KCNT2: variants seen among roughly 807,000 people sequenced by gnomAD.
KCNT2 encodes the protein potassium channel subfamily T member 2.
In KCNT2, 67 loss-of-function variants were observed where a neutral mutation model predicts 153.8. That is an observed-to-expected ratio of 0.44 (90% CI 0.36 to 0.53). The LOEUF (loss-of-function observed/expected upper bound fraction) is 0.53, where lower values mean the gene tolerates loss of function less well. KCNT2 is among the 20% of genes least tolerant of loss of function. The pLI, the probability that KCNT2 is intolerant of heterozygous loss-of-function variation, is 0.00. For synonymous variants in KCNT2, 500 were observed against 458.8 expected (o/e 1.09, Z -1.15); for missense variants, 975 against 1,354.8 (o/e 0.72, Z 4.40).
At chr1:196,480,555 C>T (rs12065478) in intron 4 of KCNT2, among the ~76,000 whole-genome samples, 16 of 151,954 alleles carry the variant, frequency 1.1e-4, no homozygotes, top group Non-Finnish European at 1.2e-4. Context: ...ACTCAAAGTG[C>T]TATTTAAAAA....
intron 14 of KCNT2, among the ~76,000 whole-genome samples, chr1:196,355,063 A>T (rs1322570503): frequency 6.6e-6 from 1 of 151,762 alleles, no homozygotes; most frequent in Admixed American, 6.6e-5. Context: ...GGTACACAGA[A>T]GCTTCCAAAA....
intron 22 of KCNT2, among the ~76,000 whole-genome samples, chr1:196,289,295 T>C (rs1169590600): frequency 6.6e-6 from 1 of 152,046 alleles, no homozygotes; most frequent in Non-Finnish European, 1.5e-5. Flanking sequence ...TACTCTTGAA[T>C]ATAACCTGTT....
chr1:196,347,379 C>A (rs922623737), intron 14 of KCNT2, among the ~76,000 whole-genome samples: 9 of 152,236 alleles, frequency 5.9e-5, no homozygotes, highest in Admixed American at 2.0e-4. Flanking sequence ...ATAAATAGTA[C>A]ATTTCCAAAC....
At chr1:196,430,763 A>G (rs77768166) in intron 8 of KCNT2, among the ~76,000 whole-genome samples, 262 of 152,260 alleles carry the variant, frequency 1.7e-3, no homozygotes, top group East Asian at 0.01. Context: ...TTAAAATCAC[A>G]TTAGAAATAA....
chr1:196,504,240 C>G (rs541480528), intron 1 of KCNT2, among the ~76,000 whole-genome samples: 1 of 146,190 alleles, frequency 6.8e-6, no homozygotes, highest in Non-Finnish European at 1.5e-5. Flanking sequence ...CCCCCTCCCC[C>G]CATCCCACAA....
chr1:196,558,234 C>T (rs1214646605), intron 1 of KCNT2, among the ~76,000 whole-genome samples: 2 of 151,306 alleles, frequency 1.3e-5, no homozygotes, highest in Non-Finnish European at 3.0e-5. Context: ...ATGTAACTCT[C>T]AAATGTCACA....
At chr1:196,256,593 GTTAT>G (rs1656523497) in intron 26 of KCNT2, among the ~76,000 whole-genome samples, 1 of 150,464 alleles carries the variant, frequency 6.6e-6, no homozygotes, top group African/African-American at 2.4e-5. Flanking sequence ...AGTTTTTTGT[GTTAT>G]TTGAGATATA....
intron 8 of KCNT2, among the ~76,000 whole-genome samples, chr1:196,463,522 G>A (rs1315271194): frequency 6.6e-6 from 1 of 151,320 alleles, no homozygotes; most frequent in Non-Finnish European, 1.5e-5. Context: ...GCACATTAAG[G>A]GACATATCCA....
intron 1 of KCNT2, among the ~76,000 whole-genome samples, chr1:196,585,840 T>C (rs987382570): frequency 6.6e-6 from 1 of 152,154 alleles, no homozygotes; most frequent in East Asian, 1.9e-4. Context: ...GATACACTCA[T>C]ACTTTCAAGT....
In KCNT2 at chr1:196,530,465, T is replaced by C. The variant is rs72732267; in HGVS notation, c.96-38124A>G. 4.0e-3 allele frequency among the ~76,000 whole-genome samples: 605 copies of C among 152,032 alleles called. 3 individuals carry two copies. The highest frequency in any genetic ancestry group is 6.6e-3 in the Admixed American group (101 of 15,230). On this transcript the variant is annotated intron_variant, in intron 1 of 27. Transcript: ENST00000294725. Reference sequence around the variant, plus strand: ...ATCACAAATAATGATAGATGGCTATTCATAAAGTACTATTAAGTGGAAAAC... The same window carrying C: ...ATCACAAATAATGATAGATGGCTATCCATAAAGTACTATTAAGTGGAAAAC...
chr1:196,253,865 A>C (rs923160224), intron 26 of KCNT2, among the ~76,000 whole-genome samples: 1 of 151,534 alleles, frequency 6.6e-6, no homozygotes, highest in African/African-American at 2.4e-5. Context: ...AAAAAATTTT[A>C]TTTGATTCAA....
chr1:196,596,125 G>C (rs1664060738), intron 1 of KCNT2, among the ~76,000 whole-genome samples: 2 of 144,714 alleles, frequency 1.4e-5, no homozygotes, highest in African/African-American at 2.8e-5. Flanking sequence ...TCCAGTTGTT[G>C]GTTGATGGGC....
chr1:196,249,362 A>T (rs138161194), intron 26 of KCNT2, among the ~76,000 whole-genome samples: 1 of 152,326 alleles, frequency 6.6e-6, no homozygotes, highest in African/African-American at 2.4e-5. Context: ...GAAAGAATCA[A>T]ATTATCCTTG....
rs181338823 is a variant in KCNT2, at chr1:196,275,440, C to T, written c.2910+5420G>A. Among the ~76,000 whole-genome samples, 514 of 151,762 alleles carry T rather than the reference C, an allele frequency of 3.4e-3. 4 individuals carry two copies. The highest frequency in any genetic ancestry group is 0.012 in the African/African-American group (496 of 41,464). The stretch of plus-strand genomic sequence containing the variant: ...TTGTGTGACTTCTCCTTTCACTAAT[C>T]TACATCACACCAGAAAAAAATGAGA... On this transcript the variant is annotated intron_variant, in intron 25 of 27. Coordinates refer to ENST00000294725, the MANE Select transcript of KCNT2 (RefSeq NM_198503.5).
chr1:196,393,218 C>T (rs567926656), intron 13 of KCNT2, among the ~76,000 whole-genome samples: 1 of 151,348 alleles, frequency 6.6e-6, no homozygotes, highest in Non-Finnish European at 1.5e-5. Flanking sequence ...TGAAAATTTG[C>T]CAATTCGATT....
At chr1:196,565,406 T>C (rs1318987844) in intron 1 of KCNT2, among the ~76,000 whole-genome samples, 1 of 151,468 alleles carries the variant, frequency 6.6e-6, no homozygotes, top group East Asian at 1.9e-4. Flanking sequence ...AATAAAAAAA[T>C]AGAACTGCCG....
intron 22 of KCNT2, among the ~76,000 whole-genome samples, chr1:196,288,498 A>G (rs546401090): frequency 6.6e-6 from 1 of 152,190 alleles, no homozygotes; most frequent in South Asian, 2.1e-4. Flanking sequence ...CACTTTGATG[A>G]CAATGTGGAA....
chr1:196,371,056 T>C (rs1245122069), intron 14 of KCNT2, among the ~76,000 whole-genome samples: 1 of 151,796 alleles, frequency 6.6e-6, no homozygotes, highest in African/African-American at 2.4e-5. Flanking sequence ...TAAAATTCTT[T>C]ACGTTCATTT....
chr1:196,446,541 A>C (rs1358980056), intron 8 of KCNT2, among the ~76,000 whole-genome samples: 1 of 151,468 alleles, frequency 6.6e-6, no homozygotes, highest in Non-Finnish European at 1.5e-5. Flanking sequence ...TACTCATAGG[A>C]GGTAGCCCTA....
Sources: allele counts gnomAD v4.1 joint callset (sites outside exome capture counted in the v4.1 genomes callset), GRCh38; gene constraint gnomAD v4.1.1; transcripts MANE v1.5; gene names NCBI Gene and HGNC (gene_info 2026-07-23, HGNC 2026-07-21).